COG8: variants seen among roughly 807,000 people sequenced by gnomAD.
The protein encoded by COG8 is conserved oligomeric Golgi complex subunit 8.
Under a neutral mutation model 46.5 loss-of-function variants are expected in COG8, and 45 were observed. The observed-to-expected ratio is 0.97, with a 90% CI of 0.76 to 1.24. The LOEUF (loss-of-function observed/expected upper bound fraction) is 1.24, where lower values mean the gene tolerates loss of function less well. Among genes scored for constraint, COG8 ranks in the 50% most tolerant of loss-of-function variants. COG8 has a pLI of 0.00. For synonymous variants in COG8, 407 were observed against 347.8 expected (o/e 1.17, Z -1.90); for missense variants, 793 against 820.8 (o/e 0.97, Z 0.41).
chr16:69,335,874 C>G (rs960524388), intron 2 of COG8, among the ~76,000 whole-genome samples: 3 of 151,578 alleles, frequency 2.0e-5, no homozygotes, highest in Non-Finnish European at 4.4e-5. Context: ...CCACTGCAAT[C>G]AAGAAAATTC....
intron 2 of COG8, 110 bp from the exon 3 acceptor site, chr16:69,335,458 TG>T: frequency 1.1e-6 from 1 of 916,142 alleles, no homozygotes; most frequent in Non-Finnish European, 1.7e-6. Context: ...TCCTGAAATG[TG>T]AAGTAATTTC....
intron 1 of COG8, among the ~76,000 whole-genome samples, chr16:69,338,848 G>C (rs1310135603): frequency 6.6e-6 from 1 of 152,136 alleles, no homozygotes; most frequent in African/African-American, 2.4e-5. Flanking sequence ...AAATTAGCTG[G>C]GCGTGGTGGC....
At chr16:69,334,431 A>AC in intron 3 of COG8, 90 bp downstream of exon 3, 1 of 1,127,656 alleles carries the variant, frequency 8.9e-7, no homozygotes, top group African/African-American at 1.5e-5. Flanking sequence ...GTCAGCAGAC[A>AC]CCGTCAAATA....
At chr16:69,330,225 G>A (rs530679426) in intron 5 of COG8, 3 of 1,452,166 alleles carry the variant, frequency 2.1e-6, no homozygotes, top group Non-Finnish European at 2.7e-6. Flanking sequence ...GGCACCCCCA[G>A]CTGCGGCGCG....
rs946928494 is a variant in COG8, at chr16:69,330,845, C to A, written c.1833G>T (p.Gly611=). 62 of 1,538,370 alleles carry A rather than the reference C, an allele frequency of 4.0e-5. 1 individual carries two copies. The African/African-American group carries it at 6.3e-4, about 16-fold the overall frequency. Residue 611 remains glycine, a synonymous_variant, in exon 5 of 6, where the codon GGG becomes GGT. Transcript: ENST00000306875. ...AETQAEPPSV[G]P ...TGGAGGCAGGGGACGCCGGCTAGGG[C>A]CCCACGCTGGGCGGTTCGGCCTGCG...
intron 4 of COG8, 126 bp downstream of exon 4, chr16:69,332,588 G>T: frequency 3.1e-6 from 3 of 959,222 alleles, no homozygotes; most frequent in Non-Finnish European, 3.3e-6. Flanking sequence ...TCTTTTTGGA[G>T]TGATGGAAAT....
At chr16:69,337,573 A>G (rs1025071603) in intron 1 of COG8, among the ~76,000 whole-genome samples, 21 of 152,308 alleles carry the variant, frequency 1.4e-4, no homozygotes, top group African/African-American at 4.3e-4. Flanking sequence ...CCATATTTGC[A>G]GAGACCTGCT....
intron 3 of COG8, among the ~76,000 whole-genome samples, chr16:69,333,839 CTT>C (rs1371207906): frequency 6.6e-6 from 1 of 152,132 alleles, no homozygotes; most frequent in Non-Finnish European, 1.5e-5. Flanking sequence ...AAATAAAACA[CTT>C]TTAACAATAA....
At position 69,334,671 on chromosome 16, in the gene COG8, C is replaced by T. The variant is rs1343230119; in HGVS notation, c.1263G>A (p.Gly421=). ...MPAAVPATQP[G]TLQPPMVLLD... is the part of the protein sequence containing the mutation. The stretch of plus-strand genomic sequence containing the variant: ...GGAGCACCATGGGTGGCTGCAGCGT[C>T]CCCGGCTGGGTGGCTGGCACAGCAG... Residue 421 remains glycine, a synonymous_variant, in exon 3 of 6, where the codon GGG becomes GGA. Coordinates refer to ENST00000306875, the MANE Select transcript of COG8 (RefSeq NM_032382.5). 6.2e-7 allele frequency: 1 copy of T among 1,614,210 alleles called. No homozygotes were observed. The highest frequency in any genetic ancestry group is 1.1e-5 in the South Asian group (1 of 91,090).
At chr16:69,332,552 G>C (rs1157277220) in intron 4 of COG8, 162 bp downstream of exon 4, 3 of 753,170 alleles carry the variant, frequency 4.0e-6, no homozygotes, top group East Asian at 2.6e-5. Flanking sequence ...TGCTGTCGAG[G>C]AATGACTACA....
Position 69,329,531 on chromosome 16 carries a change from T to C in COG8, c.*27-352A>G, listed in dbSNP as rs528301072. Among the ~76,000 whole-genome samples the C allele has an allele frequency of 7.9e-4, 120 of 152,306 alleles. No homozygotes were observed. In the Middle Eastern group the frequency reaches 0.01, roughly 13 times the overall value. On this transcript the variant is annotated intron_variant, in intron 5 of 5. Transcript: ENST00000306875. ...TCTGCAGCTTGAGACCCCACTTGTT[T>C]TTCTGACCATCTTGAACCGACGGGC...
At chr16:69,335,769 T>C (rs2012171875) in intron 2 of COG8, among the ~76,000 whole-genome samples, 1 of 148,234 alleles carries the variant, frequency 6.7e-6, no homozygotes, top group Non-Finnish European at 1.5e-5. Context: ...TGAGCCAAGG[T>C]CGCACCACTG....
rs764715773 is a variant in COG8, at chr16:69,328,727, G to C, written c.*479C>G. On this transcript the variant is annotated 3_prime_UTR_variant, in exon 6 of 6. Transcript: ENST00000306875. ...GAGATTATACAGGTCCGAGGAACTC[G>C]TGTCTACTGCAGACGAATGCAATTA... 1 of 363,804 alleles carries C rather than the reference G, an allele frequency of 2.7e-6. No homozygotes were observed. The highest frequency in any genetic ancestry group is 5.3e-5 in the Admixed American group (1 of 18,858). 22.5% of individuals were successfully genotyped at this position (363,804 alleles called of 1,614,324 possible). A position where few individuals can be genotyped will look rare whatever the true frequency, so the allele number is the denominator to read the frequency against.
Position 69,336,717 on chromosome 16 carries a change from T to C in COG8, c.378-5A>G. 6.2e-7 allele frequency: 1 copy of C among 1,613,324 alleles called. No individual in the cohort carries two copies. The highest frequency in any genetic ancestry group is 8.5e-7 in the Non-Finnish European group (1 of 1,179,334). On this transcript the variant is annotated splice_polypyrimidine_tract_variant and splice_region_variant and intron_variant, in intron 1 of 5. Coordinates refer to ENST00000306875, the MANE Select transcript of COG8 (RefSeq NM_032382.5). ...TCGGCTTCCTTCACAAAGTTCCTAG[T>C]AATAATCAGAAGAATGTTGATCCTT...
At chr16:69,337,225 G>A (rs1208261760) in intron 1 of COG8, among the ~76,000 whole-genome samples, 2 of 149,880 alleles carry the variant, frequency 1.3e-5, no homozygotes, top group Non-Finnish European at 3.0e-5. Context: ...AGGTTGCGGT[G>A]AGCAGAGATG....
At chr16:69,335,428 G>T in intron 2 of COG8, 80 bp from the exon 3 acceptor site, 1 of 1,155,958 alleles carries the variant, frequency 8.7e-7, no homozygotes, top group Non-Finnish European at 1.3e-6. Flanking sequence ...GAAGACTGCA[G>T]ACCAACATTC....
At chr16:69,336,452 AATAAAT>A in intron 2 of COG8, 47 bp downstream of exon 2, 1 of 1,559,626 alleles carries the variant, frequency 6.4e-7, no homozygotes, top group Non-Finnish European at 8.8e-7. Flanking sequence ...CTGACCACAG[AATAAAT>A]GATTACAAGA....
In COG8 at chr16:69,334,047, G is replaced by A. The variant is rs1051993846; in HGVS notation, c.1413+474C>T. On this transcript the variant is annotated intron_variant, in intron 3 of 5. Transcript: ENST00000306875. ...ATGGAGTGGACAGCCTCTAGGAGCT[G>A]AGGCTTCAGTTCTGCAATTGCAAAG... is the stretch of plus-strand genomic sequence containing the variant. Among the ~76,000 whole-genome samples, 43 of 152,150 alleles carry A rather than the reference G, an allele frequency of 2.8e-4. 1 individual carries two copies. Among genetic ancestry groups the A allele is most frequent in the African/African-American group, 9.7e-4 (40 of 41,442 alleles).
Position 69,334,726 on chromosome 16 carries a change from G to T in COG8, c.1208C>A (p.Pro403Gln), listed in dbSNP as rs1426796055. The change falls in exon 3 of 6, where the codon CCA becomes CAA. Residue 403 changes from proline (P) to glutamine (Q), a missense_variant. Pro to Gln is a moderately conservative substitution (Grantham distance 76). Transcript: ENST00000306875. ...EMNSYMLISA[P>Q]AILGTSNMPA... ...CATGTTACTGGTGCCCAGGATGGCTGGAGCCGAGATGAGCATGTAGGAGTT... is the reference window on the plus strand; with the variant it reads ...CATGTTACTGGTGCCCAGGATGGCTTGAGCCGAGATGAGCATGTAGGAGTT... 2 of 1,614,188 alleles carry T rather than the reference G, an allele frequency of 1.2e-6. No individual in the cohort carries two copies. The highest frequency in any genetic ancestry group is 2.2e-5 in the South Asian group (2 of 91,088).
Sources: gnomAD v4.1 joint callset for allele counts (sites outside exome capture counted in the v4.1 genomes callset) on GRCh38, gnomAD v4.1.1 for gene constraint, MANE v1.5 for transcripts, NCBI Gene and HGNC (gene_info 2026-07-23, HGNC 2026-07-21) for gene names.